The following CACNB2 variants were observed in gnomAD, a reference collection of about 807,000 sequenced individuals.
CACNB2 encodes calcium voltage-gated channel auxiliary subunit beta 2, also known as voltage-dependent L-type calcium channel subunit beta-2.
CACNB2 carries 42 observed loss-of-function variants against 73.3 expected under a neutral mutation model. The observed-to-expected ratio is 0.57, with a 90% CI of 0.45 to 0.74. The LOEUF is 0.74. Ranked by LOEUF, CACNB2 falls within the 30% of genes least tolerant of loss-of-function variation. CACNB2 has a pLI of 0.00. For missense variants in CACNB2, 940 were observed against 853.0 expected (o/e 1.10, Z -1.27); for synonymous variants, 348 against 310.3 (o/e 1.12, Z -1.28).
intron 2 of CACNB2, among the ~76,000 whole-genome samples, chr10:18,194,287 A>T (rs1040299680): frequency 3.9e-5 from 6 of 152,208 alleles, no homozygotes; most frequent in Admixed American, 3.9e-4. Flanking sequence ...GGTGAAAATT[A>T]GGCCCCTAGG....
At chr10:18,355,277 G>A (rs1019910834) in intron 2 of CACNB2, among the ~76,000 whole-genome samples, 1 of 152,200 alleles carries the variant, frequency 6.6e-6, no homozygotes, top group Admixed American at 6.5e-5. Context: ...AGATTTTGGA[G>A]TTCTGGATGA....
chr10:18,487,412 A>C (rs1370053517), intron 3 of CACNB2, among the ~76,000 whole-genome samples: 1 of 152,038 alleles, frequency 6.6e-6, no homozygotes, highest in Non-Finnish European at 1.5e-5. Context: ...CTTACCGAGG[A>C]CTCTCTTACC....
intron 2 of CACNB2, among the ~76,000 whole-genome samples, chr10:18,333,898 C>T (rs1281166952): frequency 6.6e-6 from 1 of 152,004 alleles, no homozygotes; most frequent in Non-Finnish European, 1.5e-5. Flanking sequence ...GGCAACGTAA[C>T]ATATTTATAC....
chr10:18,518,842 A>G, intron 8 of CACNB2, 68 bp from the exon 9 acceptor site: 1 of 1,393,042 alleles, frequency 7.2e-7, no homozygotes, highest in South Asian at 1.2e-5. Context: ...TAAGAGAAGT[A>G]AAATTGTTTT....
intron 2 of CACNB2, among the ~76,000 whole-genome samples, chr10:18,265,771 G>A (rs953907471): frequency 3.9e-5 from 6 of 152,144 alleles, no homozygotes; most frequent in Non-Finnish European, 8.8e-5. Flanking sequence ...AATAATGTTT[G>A]TGTGCACTTA....
intron 3 of CACNB2, among the ~76,000 whole-genome samples, chr10:18,447,743 A>C (rs1350433579): frequency 6.6e-5 from 10 of 152,174 alleles, no homozygotes; most frequent in Admixed American, 6.5e-4. Context: ...ATGAACAGAA[A>C]GTACATCACA....
At chr10:18,416,472 A>C (rs536641906) in intron 3 of CACNB2, among the ~76,000 whole-genome samples, 1 of 152,254 alleles carries the variant, frequency 6.6e-6, no homozygotes, top group Admixed American at 6.5e-5. Flanking sequence ...GCTGGAGTGC[A>C]TTGGCACGAT....
chr10:18,400,989 G>A (rs1425419592), intron 2 of CACNB2: 1 of 1,613,724 alleles, frequency 6.2e-7, no homozygotes, highest in Admixed American at 1.7e-5. Flanking sequence ...GAGAACCTGT[G>A]CCCGGGGCTG....
intron 7 of CACNB2, among the ~76,000 whole-genome samples, chr10:18,516,766 A>G (rs1388597822): frequency 6.6e-6 from 1 of 151,780 alleles, no homozygotes; most frequent in African/African-American, 2.4e-5. Context: ...TTGCTTTTAG[A>G]GTGGTGCTTG....
At chr10:18,326,370 T>C (rs1381145573) in intron 2 of CACNB2, among the ~76,000 whole-genome samples, 2 of 152,204 alleles carry the variant, frequency 1.3e-5, no homozygotes, top group African/African-American at 2.4e-5. Context: ...CTCCATCTTG[T>C]TTATCCAAAG....
At chr10:18,222,087 G>A (rs1757220) in intron 2 of CACNB2, among the ~76,000 whole-genome samples, 94,405 of 152,066 alleles carry the variant, frequency 0.62, 30,375 homozygotes, top group Non-Finnish European at 0.71. Flanking sequence ...GAACCTGGCA[G>A]TGTGTATCCC....
chr10:18,482,639 T>C (rs2048843210), intron 3 of CACNB2, among the ~76,000 whole-genome samples: 1 of 152,052 alleles, frequency 6.6e-6, no homozygotes, highest in Admixed American at 6.6e-5. Flanking sequence ...ACCTCCTGGG[T>C]AGGTGGGAGT....
chr10:18,209,835 C>T (rs927124197), intron 2 of CACNB2, among the ~76,000 whole-genome samples: 4 of 151,928 alleles, frequency 2.6e-5, no homozygotes, highest in African/African-American at 4.8e-5. Context: ...ACAAACCAAA[C>T]GTAGTCCAAA....
At chr10:18,391,891 G>A (rs1484298047) in intron 2 of CACNB2, among the ~76,000 whole-genome samples, 1 of 127,072 alleles carries the variant, frequency 7.9e-6, no homozygotes, top group Non-Finnish European at 1.6e-5. Context: ...TTGTGCCACT[G>A]CACTCCAGCC....
At chr10:18,438,163 G>T (rs111788868) in intron 3 of CACNB2, among the ~76,000 whole-genome samples, 2 of 143,850 alleles carry the variant, frequency 1.4e-5, no homozygotes, top group East Asian at 2.0e-4. Context: ...GACTACAGCC[G>T]CCCGCCAGCA....
intron 3 of CACNB2, among the ~76,000 whole-genome samples, chr10:18,414,495 T>C (rs925239707): frequency 3.6e-4 from 20 of 56,158 alleles, no homozygotes; most frequent in African/African-American, 1.0e-3. Flanking sequence ...TTTTTTTTTT[T>C]TTTTTTTTTT....
intron 11 of CACNB2, among the ~76,000 whole-genome samples, chr10:18,534,442 C>T (rs1427252295): frequency 2.0e-5 from 3 of 152,134 alleles, no homozygotes; most frequent in African/African-American, 4.8e-5. Context: ...AGTGTTGAGA[C>T]ACTTTTAGAG....
At chr10:18,405,603 T>A (rs560926081) in intron 3 of CACNB2, among the ~76,000 whole-genome samples, 8 of 152,316 alleles carry the variant, frequency 5.3e-5, no homozygotes, top group African/African-American at 1.9e-4. Context: ...CGATGCCTTC[T>A]GCCCTATATA....
intron 2 of CACNB2, among the ~76,000 whole-genome samples, chr10:18,295,830 T>C (rs2039254798): frequency 6.6e-6 from 1 of 152,080 alleles, no homozygotes. Flanking sequence ...AGACTAACAA[T>C]GACAATTAAA....
Sources: allele counts gnomAD v4.1 joint callset (sites outside exome capture counted in the v4.1 genomes callset), GRCh38; gene constraint gnomAD v4.1.1; transcripts MANE v1.5; gene names NCBI Gene and HGNC (gene_info 2026-07-23, HGNC 2026-07-21).